IHO1: variants seen among roughly 807,000 people sequenced by gnomAD.
The protein encoded by IHO1 is interactor of HORMAD1 1, also known as interactor of HORMAD1 protein 1.
A neutral mutation model predicts 31.0 loss-of-function variants in IHO1; 13 were observed. The observed-to-expected ratio is 0.42, with a 90% confidence interval of 0.27 to 0.67. The LOEUF (loss-of-function observed/expected upper bound fraction) is 0.67. IHO1 is among the 30% of genes least tolerant of loss of function. The pLI is 0.24. For synonymous variants in IHO1, 221 were observed against 248.4 expected, an observed-to-expected ratio of 0.89 and a Z score of 1.04; for missense variants, 599 against 687.5, an observed-to-expected ratio of 0.87 and a Z score of 1.44.
At chr3:49,225,804 G>A (rs2046410598) in intron 2 of IHO1, among the ~76,000 whole-genome samples, 2 of 152,226 alleles carry the variant, frequency 1.3e-5, no homozygotes, top group South Asian at 4.1e-4. Flanking sequence ...CGGGACAGGA[G>A]ATTAACACTG....
intron 4 of IHO1, among the ~76,000 whole-genome samples, chr3:49,244,014 G>A (rs1419620509): frequency 6.6e-6 from 1 of 150,776 alleles, no homozygotes; most frequent in South Asian, 2.1e-4. Flanking sequence ...GAGTGCAGTG[G>A]CATGATCTTG....
upstream of IHO1, among the ~76,000 whole-genome samples, chr3:49,193,820 G>A (rs1439470505): frequency 6.6e-6 from 1 of 151,550 alleles, no homozygotes; most frequent in East Asian, 1.9e-4. Flanking sequence ...AAATTAGCCA[G>A]GCATGGTGGC....
chr3:49,256,259 A>T lies in IHO1; in HGVS notation c.762A>T (p.Leu254=). The T allele has an allele frequency of 6.2e-7, 1 of 1,614,206 alleles. No homozygotes were observed. ...GCCAGCTGAATGTGCCCAGTGTCCT[A>T]GCAGAGCTGAAGAGATTGATCTCAG... The part of the protein sequence containing the change: ...QLGQLNVPSV[L]AELKRLISVP... Residue 254 remains leucine, a synonymous_variant, in exon 8 of 8, where the codon CTA becomes CTT. Coordinates refer to ENST00000452691, the MANE Select transcript of IHO1 (RefSeq NM_001135197.2). This position sits in a 1 kb window ranked among gnomAD's most constrained non-coding sequence, Gnocchi z 4.6.
At chr3:49,209,141 C>T (rs959762724) in intron 1 of IHO1, among the ~76,000 whole-genome samples, 1 of 152,178 alleles carries the variant, frequency 6.6e-6, no homozygotes, top group Admixed American at 6.5e-5. Flanking sequence ...CATCTTCTAC[C>T]ACACATATAT....
chr3:49,241,891 A>G (rs1178566414), intron 4 of IHO1, among the ~76,000 whole-genome samples: 3 of 148,212 alleles, frequency 2.0e-5, no homozygotes, highest in Admixed American at 6.8e-5. Flanking sequence ...AAAATGCTGG[A>G]ATTATAGGCG....
In IHO1 at chr3:49,252,445, T is replaced by A. The variant is rs4384984; in HGVS notation, c.533-2945T>A. Among the ~76,000 whole-genome samples the A allele has an allele frequency of 3.2e-3, 491 of 151,840 alleles. 1 individual carries two copies. The highest frequency in any genetic ancestry group is 6.8e-3 in the Middle Eastern group (2 of 294). On this transcript the variant is annotated intron_variant, in intron 6 of 7. Coordinates refer to ENST00000452691, the MANE Select transcript of IHO1 (RefSeq NM_001135197.2). ...TCTTTTTTTTTATTTTTGAGATAGGTTCTCCCTCTGTCATCAAAACTGGAG... is the reference window on the plus strand; with the variant it reads ...TCTTTTTTTTTATTTTTGAGATAGGATCTCCCTCTGTCATCAAAACTGGAG...
At chr3:49,219,148 A>C (rs1186437956) in intron 2 of IHO1, among the ~76,000 whole-genome samples, 1 of 152,212 alleles carries the variant, frequency 6.6e-6, no homozygotes, top group Non-Finnish European at 1.5e-5. Context: ...ATTGTTGGGA[A>C]CAGGCCCCCA....
chr3:49,196,228 CA>C (rs1210658279), upstream of IHO1, among the ~76,000 whole-genome samples: 1,446 of 43,638 alleles, frequency 0.033, 24 homozygotes, highest in African/African-American at 0.092. Context: ...GACTCCGTCA[CA>C]AAAAAAAAAA....
At chr3:49,219,096 G>A (rs149407215) in intron 2 of IHO1, among the ~76,000 whole-genome samples, 2,057 of 152,276 alleles carry the variant, frequency 0.014, 41 homozygotes, top group Non-Finnish European at 0.015. Context: ...ATCACTTGAG[G>A]TCAGGAGTTT....
chr3:49,245,196 T>A, intron 6 of IHO1: 1 of 218,358 alleles, frequency 4.6e-6, no homozygotes, highest in Admixed American at 5.4e-5. Flanking sequence ...CAATTTTTTT[T>A]TTTTTTTTGA....
At chr3:49,209,520 C>T (rs2046181482) in intron 1 of IHO1, among the ~76,000 whole-genome samples, 2 of 151,100 alleles carry the variant, frequency 1.3e-5, no homozygotes, top group African/African-American at 4.9e-5. Context: ...CCTGTAATTG[C>T]GGCTACTCAG....
At chr3:49,224,897 G>T (rs1160322271) in intron 2 of IHO1, among the ~76,000 whole-genome samples, 1 of 152,192 alleles carries the variant, frequency 6.6e-6, no homozygotes, top group Non-Finnish European at 1.5e-5. Flanking sequence ...GTAGCACCTG[G>T]TATCTAAGTA....
At chr3:49,199,157 A>C (rs898929786), upstream of IHO1, 2 of 152,402 alleles carry the variant, frequency 1.3e-5, no homozygotes, top group African/African-American at 4.8e-5. Flanking sequence ...TTCCGGCGTG[A>C]GTGTGGGGGT....
intron 3 of IHO1, 43 bp downstream of exon 3, chr3:49,236,765 CATT>C: frequency 6.4e-7 from 1 of 1,551,276 alleles, no homozygotes; most frequent in South Asian, 1.2e-5. Flanking sequence ...ATTTCACAGT[CATT>C]ATGGAGATAA....
intron 6 of IHO1, among the ~76,000 whole-genome samples, chr3:49,249,415 C>A (rs2046734413): frequency 6.6e-6 from 1 of 151,984 alleles, no homozygotes; most frequent in Non-Finnish European, 1.5e-5. Flanking sequence ...GGACTATAGG[C>A]ACACACCACC....
At chr3:49,213,625 C>T (rs2046249745) in intron 2 of IHO1, among the ~76,000 whole-genome samples, 1 of 152,234 alleles carries the variant, frequency 6.6e-6, no homozygotes. Context: ...CACGTAGGAG[C>T]CCATGGTGGG....
chr3:49,220,913 G>A (rs929090446), intron 2 of IHO1, among the ~76,000 whole-genome samples: 38 of 152,148 alleles, frequency 2.5e-4, no homozygotes, highest in African/African-American at 8.9e-4. Context: ...GTGAGCAGCA[G>A]CAAAAGAACA....
chr3:49,255,280 C>T (rs1251103793), intron 6 of IHO1, 110 bp from the exon 7 acceptor site: 6 of 691,402 alleles, frequency 8.7e-6, no homozygotes, highest in South Asian at 4.2e-5. Context: ...GGAACCACTC[C>T]GGTCTGCATC....
intron 2 of IHO1, among the ~76,000 whole-genome samples, chr3:49,229,056 G>A (rs2046451926): frequency 6.6e-6 from 1 of 152,122 alleles, no homozygotes; most frequent in South Asian, 2.1e-4. Context: ...TTTTTACAGA[G>A]TGCTGATTGG....
Sources: gnomAD v4.1 joint callset for allele counts (sites outside exome capture counted in the v4.1 genomes callset) on GRCh38, gnomAD v4.1.1 for gene constraint, Gnocchi (gnomAD v3.1) non-coding constraint, MANE v1.5 for transcripts, NCBI Gene and HGNC (gene_info 2026-07-23, HGNC 2026-07-21) for gene names.